The following PRKCA variants were observed in gnomAD, a reference collection of about 807,000 sequenced individuals.
PRKCA encodes protein kinase C alpha.
In PRKCA, 27 loss-of-function variants were observed where a neutral mutation model predicts 87.0. The ratio of observed to expected loss-of-function variants is 0.31; its 90% CI spans 0.23 to 0.43. The LOEUF is 0.43. Among genes scored for constraint, PRKCA ranks in the 20% least tolerant of loss-of-function variants. The pLI is 1.00. For missense variants in PRKCA, 518 were observed against 852.3 expected, an observed-to-expected ratio of 0.61 and a Z score of 4.88; for synonymous variants, 329 against 311.1, an observed-to-expected ratio of 1.06 and a Z score of -0.61.
intron 4 of PRKCA, 130 bp downstream of exon 4, chr17:66,641,596 C>A: frequency 2.0e-6 from 1 of 510,378 alleles, no homozygotes; most frequent in South Asian, 4.2e-5. Context: ...AGATATCTAC[C>A]AGACTGACAA....
chr17:66,349,415 G>A (rs930628754), intron 2 of PRKCA, among the ~76,000 whole-genome samples: 5 of 152,074 alleles, frequency 3.3e-5, no homozygotes, highest in African/African-American at 4.8e-5. Context: ...AAAACCAGTA[G>A]CCAACACTAA....
chr17:66,409,834 C>A (rs534533063), intron 2 of PRKCA, among the ~76,000 whole-genome samples: 1 of 152,324 alleles, frequency 6.6e-6, no homozygotes, highest in East Asian at 1.9e-4. Flanking sequence ...AGGAGAATGT[C>A]ATGAACCTGG....
chr17:66,691,760 CA>C (rs147565417), intron 8 of PRKCA, among the ~76,000 whole-genome samples: 21,904 of 151,998 alleles, frequency 0.14, 1,789 homozygotes, highest in East Asian at 0.27. Flanking sequence ...GTCACTGGGT[CA>C]GGGGCTGTTG....
chr17:66,363,933 C>G (rs1908546090), intron 2 of PRKCA: 1 of 152,282 alleles, frequency 6.6e-6, no homozygotes, highest in Non-Finnish European at 1.5e-5. Context: ...AAACTCCTGA[C>G]CTTGTGATCT....
chr17:66,440,181 T>C (rs954000474), intron 2 of PRKCA, among the ~76,000 whole-genome samples: 2 of 152,152 alleles, frequency 1.3e-5, no homozygotes, highest in Non-Finnish European at 2.9e-5. Context: ...TATGACCACA[T>C]TGAATTGATT....
At chr17:66,353,427 A>T (rs1907872297) in intron 2 of PRKCA, among the ~76,000 whole-genome samples, 1 of 152,168 alleles carries the variant, frequency 6.6e-6, no homozygotes, top group Non-Finnish European at 1.5e-5. Flanking sequence ...TTTTGAAAGC[A>T]CCAAGGCACT....
intron 8 of PRKCA, among the ~76,000 whole-genome samples, chr17:66,714,440 G>A (rs553359074): frequency 6.6e-6 from 1 of 152,298 alleles, no homozygotes; most frequent in South Asian, 2.1e-4. Context: ...CCTCCTGCTG[G>A]AGACCAGCTC....
At chr17:66,774,441 C>G (rs1430040024) in intron 14 of PRKCA, 2 of 836,864 alleles carry the variant, frequency 2.4e-6, no homozygotes, top group East Asian at 1.5e-4. Flanking sequence ...GCCAACATGG[C>G]GAAACCCCAT....
chr17:66,637,805 C>T (rs1567946963), intron 3 of PRKCA, among the ~76,000 whole-genome samples: 2 of 152,136 alleles, frequency 1.3e-5, no homozygotes, highest in South Asian at 4.1e-4. Flanking sequence ...TGAGGCCCCA[C>T]CCCCAGAGTT....
rs1038721924 is a variant in PRKCA at position 66,686,351 on chromosome 17, G to A, written c.530-760G>A. 2.6e-5 allele frequency among the ~76,000 whole-genome samples: 4 copies of A among 152,260 alleles called. No homozygotes were observed. In the South Asian group the frequency reaches 6.2e-4, roughly 24 times the overall value. On this transcript the variant is annotated intron_variant, in intron 5 of 16. Transcript: ENST00000413366. ...GAGGTCTTGTTAAAGTGAGGATTCT[G>A]AGTTATTAAGTCTGAGGTGGGACCC... is the stretch of plus-strand genomic sequence containing the variant.
chr17:66,712,470 A>G (rs1598890818), intron 8 of PRKCA, among the ~76,000 whole-genome samples: 1 of 152,208 alleles, frequency 6.6e-6, no homozygotes, highest in Non-Finnish European at 1.5e-5. Flanking sequence ...GTGCTGGTGT[A>G]AAAAACTCAG....
chr17:66,565,635 C>T (rs1019408538), intron 3 of PRKCA, among the ~76,000 whole-genome samples: 2 of 152,124 alleles, frequency 1.3e-5, no homozygotes, highest in African/African-American at 4.8e-5. Flanking sequence ...TTCTCAGTCG[C>T]GGTGTTTCTT....
rs188740738 is a variant in PRKCA, at chr17:66,524,674, A to G, written c.288+28391A>G. On this transcript the variant is annotated intron_variant, in intron 3 of 16. Transcript: ENST00000413366. ...CCAGGTTCTCTTCTGTGCCCTGGGT[A>G]TCCAGCAGTGAACTAAGCAGACAAA... 2.0e-5 allele frequency among the ~76,000 whole-genome samples: 3 copies of G among 152,116 alleles called. No individual in the cohort carries two copies. In the South Asian group the frequency reaches 6.2e-4, roughly 32 times the overall value.
At chr17:66,413,028 T>TAGTTC (rs60435495) in intron 2 of PRKCA, among the ~76,000 whole-genome samples, 1,780 of 152,242 alleles carry the variant, frequency 0.012, 30 homozygotes, top group African/African-American at 0.041. Context: ...ACCAGCTGTG[T>TAGTTC]AGTTCAGTTC....
intron 3 of PRKCA, among the ~76,000 whole-genome samples, chr17:66,502,397 G>A (rs543200439): frequency 6.6e-6 from 1 of 152,026 alleles, no homozygotes; most frequent in African/African-American, 2.4e-5. Flanking sequence ...ACCACACTCG[G>A]CTAATTTTTG....
intron 2 of PRKCA, among the ~76,000 whole-genome samples, chr17:66,379,376 A>C (rs997865522): frequency 2.0e-5 from 3 of 152,198 alleles, no homozygotes; most frequent in Admixed American, 6.5e-5. Context: ...GCATCTTTTC[A>C]TGTGCTTATC....
At chr17:66,334,541 G>A (rs1221051318) in intron 2 of PRKCA, among the ~76,000 whole-genome samples, 2 of 152,202 alleles carry the variant, frequency 1.3e-5, no homozygotes, top group Non-Finnish European at 2.9e-5. Flanking sequence ...CCACGTTAGG[G>A]AAGTGCAAAT....
In PRKCA at chr17:66,735,634, C is replaced by G; in HGVS notation, c.1202C>G (p.Thr401Arg). The G allele has an allele frequency of 6.2e-7, 1 of 1,614,116 alleles. No individual in the cohort carries two copies. Among genetic ancestry groups the G allele is most frequent in the South Asian group, 1.1e-5 (1 of 91,072 alleles). The change falls in exon 10 of 17, where the codon ACG (threonine) becomes AGG (arginine). Residue 401 changes from threonine (T) to arginine (R), a missense_variant. By Grantham distance (71) the Thr-to-Arg change is moderately conservative (BLOSUM62 -1). Transcript: ENST00000413366. Reference protein sequence around the residue: ...LALLDKPPFLTQLHSCFQTVD... With the variant: ...LALLDKPPFLRQLHSCFQTVD... Reference sequence around the variant, plus strand: ...CTGCTTGACAAACCCCCGTTCTTGACGCAGCTGCACTCCTGCTTCCAGACA... The same window carrying G: ...CTGCTTGACAAACCCCCGTTCTTGAGGCAGCTGCACTCCTGCTTCCAGACA...
intron 2 of PRKCA, among the ~76,000 whole-genome samples, chr17:66,402,094 G>A (rs998337068): frequency 2.0e-5 from 3 of 152,296 alleles, no homozygotes; most frequent in East Asian, 3.9e-4. Context: ...AGAGGGAGTC[G>A]TGTCTCAGGG....
Sources: allele counts gnomAD v4.1 joint callset (sites outside exome capture counted in the v4.1 genomes callset), GRCh38; gene constraint gnomAD v4.1.1; transcripts MANE v1.5; gene names NCBI Gene and HGNC (gene_info 2026-07-23, HGNC 2026-07-21).